OSBPL5: variants seen among roughly 807,000 people sequenced by gnomAD.
OSBPL5 encodes oxysterol binding protein like 5.
OSBPL5 carries 71 observed loss-of-function variants against 111.2 expected under a neutral mutation model. The observed-to-expected ratio is 0.64, with a 90% CI of 0.53 to 0.78. The LOEUF is 0.78. Ranked by LOEUF, OSBPL5 falls within the 30% of genes least tolerant of loss-of-function variation. OSBPL5 has a pLI of 0.00. For synonymous variants in OSBPL5, 549 were observed against 513.9 expected, an observed-to-expected ratio of 1.07 and a Z score of -0.93; for missense variants, 1,210 against 1,189.3, an observed-to-expected ratio of 1.02 and a Z score of -0.26.
intron 1 of OSBPL5, among the ~76,000 whole-genome samples, chr11:3,144,055 G>A (rs902560748): frequency 2.0e-5 from 3 of 152,126 alleles, no homozygotes; most frequent in African/African-American, 7.2e-5. Flanking sequence ...CACTGAGCCC[G>A]GCAAACCTCG....
chr11:3,093,465 C>T, intron 17 of OSBPL5, 62 bp downstream of exon 17: 15 of 1,583,926 alleles, frequency 9.5e-6, no homozygotes, highest in Non-Finnish European at 1.3e-5. Flanking sequence ...GCCCTGCTGA[C>T]CTGCCTGCTT....
In OSBPL5 at chr11:3,103,788, CTTCCTGCCTCTG is replaced by C. The variant is rs1857569602; in HGVS notation, c.1244+393_1244+404del. 3.3e-5 allele frequency among the ~76,000 whole-genome samples: 2 copies of C among 61,282 alleles called. 1 individual carries two copies. Among genetic ancestry groups the C allele is most frequent in the Non-Finnish European group, 7.7e-5 (2 of 26,014 alleles). 40.2% of individuals were successfully genotyped at this position (61,282 alleles called of 152,430 possible). ...AGCCCCCTTCCAGCCTCTGCAGTCC[CTTCCTGCCTCTG>C]CAGCCCTCTTCCTGCCTGCGCAGCC... On this transcript the variant is annotated intron_variant, in intron 10 of 21. Coordinates refer to ENST00000263650, the MANE Select transcript of OSBPL5 (RefSeq NM_020896.4).
Position 3,137,597 on chromosome 11 carries a change from G to A in OSBPL5, c.-21-8428C>T, listed in dbSNP as rs531148277. Reference sequence around the variant, plus strand: ...GGAGCCTGAGGCGGGTGGATCGCTTGAGCCTAGGAGATCGAGATCAGCCTG... The same window carrying A: ...GGAGCCTGAGGCGGGTGGATCGCTTAAGCCTAGGAGATCGAGATCAGCCTG... On this transcript the variant is annotated intron_variant, in intron 1 of 21. Coordinates refer to ENST00000263650, the MANE Select transcript of OSBPL5 (RefSeq NM_020896.4). Among the ~76,000 whole-genome samples the A allele has an allele frequency of 2.6e-5, 4 of 152,314 alleles. No individual in the cohort carries two copies. The East Asian group carries it at 7.7e-4, about 29-fold the overall frequency.
intron 10 of OSBPL5, among the ~76,000 whole-genome samples, chr11:3,103,842 A>G (rs1377110493): frequency 1.5e-5 from 1 of 67,596 alleles, no homozygotes; most frequent in Non-Finnish European, 3.2e-5. Context: ...CAGCCTCTGC[A>G]GCCCCTTTCC....
intron 1 of OSBPL5, among the ~76,000 whole-genome samples, chr11:3,137,320 C>T (rs925332508): frequency 2.6e-5 from 4 of 152,218 alleles, no homozygotes; most frequent in African/African-American, 7.2e-5. Context: ...TTCAGAGAGC[C>T]GTGGCATGCA....
intron 1 of OSBPL5, among the ~76,000 whole-genome samples, chr11:3,153,050 G>A (rs1846640790): frequency 6.6e-6 from 1 of 152,066 alleles, no homozygotes; most frequent in Non-Finnish European, 1.5e-5. Flanking sequence ...TGAGTACAGG[G>A]AGAAACAGCC....
At position 3,161,927 on chromosome 11, in the gene OSBPL5, T is replaced by G. The variant is rs1846977669; in HGVS notation, c.-22+3289A>C. Among the ~76,000 whole-genome samples the G allele has an allele frequency of 7.0e-6, 1 of 142,880 alleles. No homozygotes were observed. Among genetic ancestry groups the G allele is most frequent in the African/African-American group, 2.7e-5 (1 of 37,552 alleles). The allele number at this position is 142,880 out of a possible 152,430, so 93.7% of individuals were successfully genotyped here. On this transcript the variant is annotated intron_variant, in intron 1 of 21. Coordinates refer to ENST00000263650, the MANE Select transcript of OSBPL5 (RefSeq NM_020896.4). This position sits in a 1 kb window ranked among gnomAD's most constrained non-coding sequence, Gnocchi z 8.0. ...CACAGGCAGTGCAAAGGCCCTGGAG[T>G]AAGAAGCCGGGGCTGACGCCAGACC... is the stretch of plus-strand genomic sequence containing the variant.
In OSBPL5 at chr11:3,105,536, C is replaced by T. The variant is rs1172899801; in HGVS notation, c.1060-1159G>A. ...TGTGCTCCCGTCCCGTCCTCCTTAACCCTCTCCACCAGGCTTCTGCCGTCT... is the reference window on the plus strand; with the variant it reads ...TGTGCTCCCGTCCCGTCCTCCTTAATCCTCTCCACCAGGCTTCTGCCGTCT... On this transcript the variant is annotated intron_variant, in intron 9 of 21. Coordinates refer to ENST00000263650, the MANE Select transcript of OSBPL5 (RefSeq NM_020896.4). The surrounding 1 kb of genome is among the most constrained non-coding windows in gnomAD (Gnocchi z 5.2). 2.0e-5 allele frequency among the ~76,000 whole-genome samples: 3 copies of T among 152,170 alleles called. No individual in the cohort carries two copies. The highest frequency in any genetic ancestry group is 4.4e-5 in the Non-Finnish European group (3 of 68,018).
chr11:3,106,210 C>G lies in OSBPL5; in HGVS notation c.1059+1053G>C, dbSNP rs185168199. Among the ~76,000 whole-genome samples, 43 of 152,104 alleles carry G rather than the reference C, an allele frequency of 2.8e-4. No individual in the cohort carries two copies. The highest frequency in any genetic ancestry group is 9.2e-4 in the African/African-American group (38 of 41,482). ...GATTTCACGGACCACGGAGGAGCCC[C>G]CTCTGTCCCTGTGCAGAGCAAGATG... On this transcript the variant is annotated intron_variant, in intron 9 of 21. Coordinates refer to ENST00000263650, the MANE Select transcript of OSBPL5 (RefSeq NM_020896.4). This position sits in a 1 kb window ranked among gnomAD's most constrained non-coding sequence, Gnocchi z 8.4.
In OSBPL5 at chr11:3,142,473, C is replaced by G. The variant is rs1219321893; in HGVS notation, c.-21-13304G>C. Among the ~76,000 whole-genome samples the G allele has an allele frequency of 1.3e-5, 2 of 151,936 alleles. No homozygotes were observed. The highest frequency in any genetic ancestry group is 2.9e-5 in the Non-Finnish European group (2 of 68,014). On this transcript the variant is annotated intron_variant, in intron 1 of 21. Transcript: ENST00000263650. This position sits in a 1 kb window ranked among gnomAD's most constrained non-coding sequence, Gnocchi z 7.1. ...AGGGCCCAGGATCCCTCCCCACTCG[C>G]TGCTCCGTGTCCCAGGAGGTCAGAT... is the stretch of plus-strand genomic sequence containing the variant.
intron 5 of OSBPL5, 140 bp from the exon 6 acceptor site, chr11:3,120,764 G>T: frequency 1.2e-6 from 1 of 850,600 alleles, no homozygotes; most frequent in Non-Finnish European, 1.8e-6. Flanking sequence ...CCCCACACCA[G>T]TTCGGAACTC....
chr11:3,095,680 G>A (rs930106231), intron 14 of OSBPL5, among the ~76,000 whole-genome samples: 2 of 148,122 alleles, frequency 1.4e-5, no homozygotes, highest in Non-Finnish European at 3.0e-5. Context: ...AGACAGCAGG[G>A]GAAAAAAATC....
At chr11:3,111,971 A>ATATGTGTGCGCGCATGTGTGTG (rs1857961204) in intron 7 of OSBPL5, among the ~76,000 whole-genome samples, 2 of 115,422 alleles carry the variant, frequency 1.7e-5, no homozygotes, top group African/African-American at 5.9e-5. Flanking sequence ...GTGTGTGTGC[A>ATATGTGTGCGCGCATGTGTGTG]TATGTGTGCG....
At chr11:3,135,287 C>T (rs1406252439) in intron 1 of OSBPL5, among the ~76,000 whole-genome samples, 1 of 152,230 alleles carries the variant, frequency 6.6e-6, no homozygotes, top group East Asian at 1.9e-4. Context: ...ACCTCTGGAC[C>T]CAGTTGGGCG....
At chr11:3,093,351 T>G in intron 17 of OSBPL5, 176 bp downstream of exon 17, 1 of 1,058,714 alleles carries the variant, frequency 9.4e-7, no homozygotes. Context: ...GCCACACCCC[T>G]TCCCTCCATC....
At chr11:3,118,791 A>T (rs936501774) in intron 7 of OSBPL5, among the ~76,000 whole-genome samples, 6 of 151,480 alleles carry the variant, frequency 4.0e-5, no homozygotes, top group Non-Finnish European at 8.8e-5. Flanking sequence ...GGCTGGTCAA[A>T]CTCCTGACCT....
intron 14 of OSBPL5, among the ~76,000 whole-genome samples, chr11:3,097,021 G>GAGGAGTGGAAAGA (rs1564824559): frequency 2.9e-4 from 3 of 10,382 alleles, no homozygotes; most frequent in Non-Finnish European, 3.9e-4. Flanking sequence ...AAGACGGGAG[G>GAGGAGTGGAAAGA]GGGAGGAGAG....
rs577989434 is a variant in OSBPL5 at position 3,149,263 on chromosome 11, G to A, written c.-22+15953C>T. ...CAAGGCCGGAATGCAGCAGAGGCCC[G>A]GGTCAGGCCCCCCAGAGCTGTCTTC... On this transcript the variant is annotated intron_variant, in intron 1 of 21. Coordinates refer to ENST00000263650, the MANE Select transcript of OSBPL5 (RefSeq NM_020896.4). Among the ~76,000 whole-genome samples, 14 of 152,360 alleles carry A rather than the reference G, an allele frequency of 9.2e-5. No individual in the cohort carries two copies. The South Asian group carries it at 2.7e-3, about 29-fold the overall frequency.
chr11:3,116,953 TA>T (rs1300691846), intron 7 of OSBPL5, among the ~76,000 whole-genome samples: 1 of 152,204 alleles, frequency 6.6e-6, no homozygotes, highest in Non-Finnish European at 1.5e-5. Flanking sequence ...AAGAAAACTT[TA>T]AGCTATTTAC....
Sources: gnomAD v4.1 joint callset for allele counts (sites outside exome capture counted in the v4.1 genomes callset) on GRCh38, gnomAD v4.1.1 for gene constraint, Gnocchi (gnomAD v3.1) non-coding constraint, MANE v1.5 for transcripts, NCBI Gene and HGNC (gene_info 2026-07-23, HGNC 2026-07-21) for gene names.